The following SLC4A10 variants were observed in gnomAD, a reference collection of about 807,000 sequenced individuals.
The protein encoded by SLC4A10 is solute carrier family 4 member 10.
Under a neutral mutation model 137.7 loss-of-function variants are expected in SLC4A10, and 42 were observed. The ratio of observed to expected loss-of-function variants is 0.30; its 90% CI spans 0.24 to 0.39. The LOEUF (loss-of-function observed/expected upper bound fraction) is 0.39. SLC4A10 is among the 10% of genes least tolerant of loss of function. The probability of loss-of-function intolerance (pLI) is 1.00; values close to 1 mark genes in which losing one functional copy is unlikely to be tolerated. For synonymous variants in SLC4A10, 474 were observed against 464.1 expected, an observed-to-expected ratio of 1.02 and a Z score of -0.27; for missense variants, 925 against 1,355.0, an observed-to-expected ratio of 0.68 and a Z score of 4.98.
At chr2:161,876,585 G>A (rs1168747349) in intron 8 of SLC4A10, among the ~76,000 whole-genome samples, 2 of 152,076 alleles carry the variant, frequency 1.3e-5, no homozygotes, top group Admixed American at 1.3e-4. Context: ...GGCTGAAATG[G>A]AAGGATCAGG....
chr2:161,955,744 C>T (rs1695546261), intron 19 of SLC4A10, among the ~76,000 whole-genome samples: 1 of 152,124 alleles, frequency 6.6e-6, no homozygotes, highest in Non-Finnish European at 1.5e-5. Context: ...TTTCACACTC[C>T]AGGCTATAAG....
intron 1 of SLC4A10, among the ~76,000 whole-genome samples, chr2:161,658,680 G>T (rs1337568765): frequency 7.1e-6 from 1 of 141,330 alleles, no homozygotes; most frequent in East Asian, 2.1e-4. Context: ...TGCAACCTCT[G>T]CCCCCTGGGC....
intron 23 of SLC4A10, among the ~76,000 whole-genome samples, chr2:161,969,549 T>A (rs746298312): frequency 1.3e-5 from 2 of 152,144 alleles, no homozygotes; most frequent in Non-Finnish European, 2.9e-5. Context: ...GGCTACTTAC[T>A]GTTAAAGGCA....
At chr2:161,845,865 C>T (rs1423077344) in intron 4 of SLC4A10, among the ~76,000 whole-genome samples, 5 of 151,842 alleles carry the variant, frequency 3.3e-5, no homozygotes, top group Admixed American at 3.3e-4. Flanking sequence ...AAACATAAAG[C>T]CATGAAATTT....
chr2:161,979,146 G>A (rs1270325325), intron 26 of SLC4A10, among the ~76,000 whole-genome samples: 2 of 152,146 alleles, frequency 1.3e-5, no homozygotes, highest in Non-Finnish European at 2.9e-5. Context: ...AAACAAACCT[G>A]TAAAAAATTT....
At chr2:161,734,906 C>T (rs1024553488) in intron 1 of SLC4A10, among the ~76,000 whole-genome samples, 3 of 152,058 alleles carry the variant, frequency 2.0e-5, no homozygotes, top group African/African-American at 7.2e-5. Context: ...ACATACTCTT[C>T]TCATGATAGT....
intron 1 of SLC4A10, among the ~76,000 whole-genome samples, chr2:161,642,937 C>G (rs938870954): frequency 1.3e-5 from 2 of 152,046 alleles, no homozygotes; most frequent in Non-Finnish European, 2.9e-5. Flanking sequence ...TTTCTTTTCT[C>G]CAGTTCAGGT....
intron 26 of SLC4A10, among the ~76,000 whole-genome samples, chr2:161,978,619 C>G (rs1413010899): frequency 1.3e-5 from 2 of 152,110 alleles, no homozygotes; most frequent in Non-Finnish European, 2.9e-5. Flanking sequence ...AGTGTCATCT[C>G]TATACCAAAC....
intron 1 of SLC4A10, among the ~76,000 whole-genome samples, chr2:161,738,818 C>T (rs2047597616): frequency 6.6e-6 from 1 of 152,170 alleles, no homozygotes; most frequent in Admixed American, 6.5e-5. Flanking sequence ...AGACTGCAAA[C>T]AGCAGTATCA....
chr2:161,940,224 C>T (rs549797892), intron 15 of SLC4A10, among the ~76,000 whole-genome samples: 1 of 152,270 alleles, frequency 6.6e-6, no homozygotes, highest in East Asian at 1.9e-4. Flanking sequence ...TAACTCTGGA[C>T]AAGAACACAG....
At chr2:161,793,455 GC>G (rs2054426728) in intron 2 of SLC4A10, among the ~76,000 whole-genome samples, 1 of 122,812 alleles carries the variant, frequency 8.1e-6, no homozygotes, top group Non-Finnish European at 1.6e-5. Flanking sequence ...AAGTGCCCCA[GC>G]CCCTAGTAGC....
chr2:161,650,210 T>C (rs921675619), intron 1 of SLC4A10, among the ~76,000 whole-genome samples: 2 of 152,104 alleles, frequency 1.3e-5, no homozygotes, highest in African/African-American at 4.8e-5. Flanking sequence ...ACTGGTCAGA[T>C]ATGTTGTAGA....
chr2:161,814,824 G>T (rs1162682950), intron 3 of SLC4A10, among the ~76,000 whole-genome samples: 1 of 151,932 alleles, frequency 6.6e-6, no homozygotes, highest in East Asian at 1.9e-4. Context: ...GTACTATACT[G>T]CCCACTACTT....
intron 15 of SLC4A10, among the ~76,000 whole-genome samples, chr2:161,926,362 G>T: frequency 9.3e-6 from 1 of 107,608 alleles, no homozygotes; most frequent in South Asian, 3.7e-4. Flanking sequence ...CAGAGACTAT[G>T]ATTGCAACCC....
chr2:161,675,328 G>A (rs896564418), intron 1 of SLC4A10, among the ~76,000 whole-genome samples: 2 of 152,168 alleles, frequency 1.3e-5, no homozygotes, highest in African/African-American at 4.8e-5. Context: ...TTCTGATGGA[G>A]GGAGATTAAA....
At chr2:161,628,571 C>T (rs1027369158) in intron 1 of SLC4A10, among the ~76,000 whole-genome samples, 13 of 151,918 alleles carry the variant, frequency 8.6e-5, no homozygotes, top group Non-Finnish European at 1.8e-4. Flanking sequence ...AAAAAGAGCA[C>T]ATGGAATGGC....
At chr2:161,687,029 A>G (rs577895130) in intron 1 of SLC4A10, among the ~76,000 whole-genome samples, 67 of 151,906 alleles carry the variant, frequency 4.4e-4, no homozygotes, top group Non-Finnish European at 9.3e-4. Flanking sequence ...CTATAGGCAC[A>G]CGCCACCATG....
chr2:161,722,705 G>T (rs2045814863), intron 1 of SLC4A10, among the ~76,000 whole-genome samples: 1 of 152,198 alleles, frequency 6.6e-6, no homozygotes, highest in Admixed American at 6.5e-5. Flanking sequence ...TGGCAGAGCT[G>T]GTGCACTGCT....
intron 1 of SLC4A10, among the ~76,000 whole-genome samples, chr2:161,754,739 A>G (rs1349160284): frequency 6.6e-6 from 1 of 152,216 alleles, no homozygotes; most frequent in East Asian, 1.9e-4. Context: ...ATTATTTTTC[A>G]AGTTACTACT....
Sources: gnomAD v4.1 joint callset for allele counts (sites outside exome capture counted in the v4.1 genomes callset) on GRCh38, gnomAD v4.1.1 for gene constraint, MANE v1.5 for transcripts, NCBI Gene and HGNC (gene_info 2026-07-23, HGNC 2026-07-21) for gene names.